Variants in DDX31 observed in about 807,000 individuals in gnomAD.
DDX31 encodes the protein ATP-dependent DNA helicase DDX31.
In DDX31, 70 loss-of-function variants were observed where a neutral mutation model predicts 91.3. The ratio of observed to expected loss-of-function variants is 0.77; its 90% confidence interval spans 0.63 to 0.94. DDX31 has a LOEUF of 0.94. DDX31 is among the 40% of genes least tolerant of loss of function. The probability of loss-of-function intolerance (pLI) is 0.00; values close to 1 mark genes in which losing one functional copy is unlikely to be tolerated. For missense variants in DDX31, 902 were observed against 925.0 expected (o/e 0.98, Z 0.32); for synonymous variants, 362 against 350.6 (o/e 1.03, Z -0.36).
intron 14 of DDX31, among the ~76,000 whole-genome samples, 159 bp from the exon 15 acceptor site, chr9:132,632,250 A>ACACACACACACACACACAGTCCTG (rs1832802766): frequency 2.2e-5 from 2 of 90,168 alleles, no homozygotes; most frequent in Non-Finnish European, 3.9e-5. Context: ...GTACACACAC[A>ACACACACACACACACACAGTCCTG]CACACACACA....
chr9:132,618,579 T>A, intron 17 of DDX31, 138 bp from the exon 18 acceptor site: 1 of 625,690 alleles, frequency 1.6e-6, no homozygotes, highest in Non-Finnish European at 2.6e-6. Context: ...TCAATATTAC[T>A]AGGAAAAAAG....
Position 132,662,501 on chromosome 9 carries a change from C to T in DDX31, c.270G>A (p.Glu90=). The part of the protein sequence containing the change: ...SVSTSDRNQE[E]RQCIKTSSLF... The stretch of plus-strand genomic sequence containing the variant: ...GTGATGAAGTCTTAATGCACTGTCT[C>T]TCCTCCTGGTTTCTATCACTTGTGC... The change falls in exon 2 of 20, where the codon GAG becomes GAA. Residue 90 remains glutamate, a synonymous_variant. Transcript: ENST00000372159. 1.2e-6 allele frequency: 2 copies of T among 1,614,200 alleles called. No homozygotes were observed. Among genetic ancestry groups the T allele is most frequent in the Non-Finnish European group, 1.7e-6 (2 of 1,180,032 alleles).
chr9:132,647,663 G>A (rs566471622), intron 11 of DDX31, among the ~76,000 whole-genome samples: 2 of 152,274 alleles, frequency 1.3e-5, no homozygotes, highest in East Asian at 3.9e-4. Flanking sequence ...CTCACTGTGT[G>A]GGGTGGATCT....
chr9:132,662,397 C>T (rs1468620236), intron 2 of DDX31, 42 bp downstream of exon 2: 6 of 1,613,682 alleles, frequency 3.7e-6, no homozygotes, highest in Non-Finnish European at 1.7e-6. Flanking sequence ...AAAGGCAGAA[C>T]ACATTTTTTT....
In DDX31 at chr9:132,595,254, T is replaced by C; in HGVS notation, c.1995-142A>G. 9.6e-7 allele frequency: 1 copy of C among 1,036,952 alleles called. No individual in the cohort carries two copies. The highest frequency in any genetic ancestry group is 1.7e-5 in the South Asian group (1 of 58,644). The allele number at this position is 1,036,952 out of a possible 1,614,324, so 64.2% of individuals were successfully genotyped here. A position where few individuals can be genotyped will look rare whatever the true frequency, so the allele number is the denominator to read the frequency against. On this transcript the variant is annotated intron_variant, in intron 19 of 19. Transcript: ENST00000372159. This position sits in a 1 kb window ranked among gnomAD's most constrained non-coding sequence, Gnocchi z 4.6. Reference sequence around the variant, plus strand: ...AGAAGTACAATCCCTTCAATAGTACTTGTTTTGATATTCGATGCACCAGAA... The same window carrying C: ...AGAAGTACAATCCCTTCAATAGTACCTGTTTTGATATTCGATGCACCAGAA...
intron 19 of DDX31, among the ~76,000 whole-genome samples, chr9:132,605,566 A>C (rs372400528): frequency 9.9e-5 from 15 of 152,150 alleles, no homozygotes; most frequent in Non-Finnish European, 2.1e-4. Context: ...TCTCTAAGCT[A>C]TACTTTCGAG....
chr9:132,632,413 T>G (rs551072499), intron 14 of DDX31, among the ~76,000 whole-genome samples: 70 of 152,092 alleles, frequency 4.6e-4, no homozygotes, highest in Non-Finnish European at 8.8e-4. Context: ...CACAACACCC[T>G]TTGCTAAAAG....
At chr9:132,614,125 G>A (rs375851734) in intron 18 of DDX31, among the ~76,000 whole-genome samples, 6 of 152,118 alleles carry the variant, frequency 3.9e-5, no homozygotes, top group South Asian at 2.1e-4. Context: ...GGAGATTGGC[G>A]TTTATGAACA....
At chr9:132,610,977 G>A (rs779357679) in intron 19 of DDX31, among the ~76,000 whole-genome samples, 1 of 152,092 alleles carries the variant, frequency 6.6e-6, no homozygotes, top group Non-Finnish European at 1.5e-5. Context: ...CTAGAGAAAC[G>A]GGGCCCTGAC....
chr9:132,600,635 G>A (rs1359723541), intron 19 of DDX31, among the ~76,000 whole-genome samples: 1 of 152,024 alleles, frequency 6.6e-6, no homozygotes. Context: ...GCCGATGTTT[G>A]AAAATGAAGG....
At chr9:132,639,604 T>C (rs1370698036) in intron 14 of DDX31, among the ~76,000 whole-genome samples, 1 of 152,254 alleles carries the variant, frequency 6.6e-6, no homozygotes, top group African/African-American at 2.4e-5. Flanking sequence ...AGTGATTGTA[T>C]GCTTTTGACC....
intron 14 of DDX31, among the ~76,000 whole-genome samples, chr9:132,634,220 C>A (rs188805522): frequency 6.6e-6 from 1 of 152,104 alleles, no homozygotes; most frequent in Non-Finnish European, 1.5e-5. Context: ...ATTTCCCCTA[C>A]AATTTTTATT....
intron 13 of DDX31, among the ~76,000 whole-genome samples, chr9:132,643,013 G>C (rs968182887): frequency 1.3e-5 from 2 of 152,024 alleles, no homozygotes; most frequent in Non-Finnish European, 2.9e-5. Context: ...CTGAAGAGAC[G>C]AGGTTTTGCC....
chr9:132,648,156 CA>C lies in DDX31; in HGVS notation c.967+32del, dbSNP rs1472288243. On this transcript the variant is annotated intron_variant, in intron 11 of 19. Transcript: ENST00000372159. The stretch of plus-strand genomic sequence containing the variant: ...CTAGGTCCTTCCTCTTCATTAAGAA[CA>C]AAGAAGGACCCATCACTTCTTTTCA... 3.9e-6 allele frequency: 6 copies of C among 1,527,514 alleles called. No individual in the cohort carries two copies. The African/African-American group carries it at 6.9e-5, about 18-fold the overall frequency. The allele number at this position is 1,527,514 out of a possible 1,614,324, so 94.6% of individuals were successfully genotyped here.
chr9:132,646,052 A>ATC lies in DDX31; in HGVS notation c.1221_1222dup (p.Met408ArgfsTer24). 1 of 1,614,084 alleles carries ATC rather than the reference A, an allele frequency of 6.2e-7. No individual in the cohort carries two copies. Among genetic ancestry groups the ATC allele is most frequent in the Non-Finnish European group, 8.5e-7 (1 of 1,179,984 alleles). On this transcript the variant is annotated frameshift_variant, in exon 13 of 20. Coordinates refer to ENST00000372159, the MANE Select transcript of DDX31 (RefSeq NM_022779.9). LOFTEE classifies it high-confidence loss of function. ...CTCGCAACTTGAGAAAAAGACAACC[A>ATC]TCTTCTGGTCTTCCTCAAACTACAT...
chr9:132,661,618 C>T (rs1031414109), intron 3 of DDX31, among the ~76,000 whole-genome samples: 1 of 152,166 alleles, frequency 6.6e-6, no homozygotes, highest in Non-Finnish European at 1.5e-5. Flanking sequence ...TGATCCACCC[C>T]CCAGGTGAGA....
Position 132,648,231 on chromosome 9 carries a change from G to A in DDX31, c.925C>T (p.Gln309Ter), listed in dbSNP as rs1244206782. 2.5e-6 allele frequency: 4 copies of A among 1,613,672 alleles called. No homozygotes were observed. Among genetic ancestry groups the A allele is most frequent in the Non-Finnish European group, 2.5e-6 (3 of 1,179,882 alleles). The change falls in exon 11 of 20, where the codon CAA (glutamine) becomes TAA (stop). Residue 309 changes from glutamine to a stop codon, truncating the protein, a stop_gained. Coordinates refer to ENST00000372159, the MANE Select transcript of DDX31 (RefSeq NM_022779.9). LOFTEE classifies it high-confidence loss of function. ...GATAGCAAGACATTCTGTCGTTTTT[G>A]GCATTCAGCATTTACAGCATTAAGT... is the stretch of plus-strand genomic sequence containing the variant. ...VILNAVNAEC[Q>*]KRQNVLLSAT...
At chr9:132,659,069 C>T (rs1834768282) in intron 5 of DDX31, among the ~76,000 whole-genome samples, 1 of 152,204 alleles carries the variant, frequency 6.6e-6, no homozygotes, top group Admixed American at 6.5e-5. Flanking sequence ...CCTTTGAAGT[C>T]CTCCCTACCC....
intron 19 of DDX31, among the ~76,000 whole-genome samples, chr9:132,606,026 G>A (rs1283584995): frequency 6.6e-6 from 1 of 152,188 alleles, no homozygotes; most frequent in East Asian, 1.9e-4. Context: ...GGGAAGCGGA[G>A]GGAAGAGACA....
Sources: gnomAD v4.1 joint callset for allele counts (sites outside exome capture counted in the v4.1 genomes callset) on GRCh38, gnomAD v4.1.1 for gene constraint, Gnocchi (gnomAD v3.1) non-coding constraint, MANE v1.5 for transcripts, NCBI Gene and HGNC (gene_info 2026-07-23, HGNC 2026-07-21) for gene names.